Variants in PLEKHA7 observed in about 807,000 individuals in gnomAD.
PLEKHA7 encodes the protein pleckstrin homology domain-containing family A member 7.
In PLEKHA7, 104 loss-of-function variants were observed where a neutral mutation model predicts 170.0. The ratio of observed to expected loss-of-function variants is 0.61; its 90% CI spans 0.52 to 0.72. PLEKHA7 has a LOEUF of 0.72. Among genes scored for constraint, PLEKHA7 ranks in the 30% least tolerant of loss-of-function variants. PLEKHA7 has a pLI of 0.00. For missense variants in PLEKHA7, 1,615 were observed against 1,671.7 expected (o/e 0.97, Z 0.59); for synonymous variants, 648 against 660.8 (o/e 0.98, Z 0.30).
At position 16,789,821 on chromosome 11, in the gene PLEKHA7, G is replaced by A; in HGVS notation, c.3110C>T (p.Thr1037Ile). Residue 1037 changes from threonine (T) to isoleucine (I), a missense_variant, in exon 22 of 27, where the codon ACA becomes ATA. Coordinates refer to ENST00000531066, the MANE Select transcript of PLEKHA7 (RefSeq NM_001329630.2). This position sits in a 1 kb window ranked among gnomAD's most constrained non-coding sequence, Gnocchi z 4.6. The part of the protein sequence containing the change: ...QQSSTIAPYV[T>I]LRRGLNAESS... Reference sequence around the variant, plus strand: ...TTCGGCATTGAGACCCCTCCGGAGTGTGACGTAGGGAGCAATGGTGGACGA... The same window carrying A: ...TTCGGCATTGAGACCCCTCCGGAGTATGACGTAGGGAGCAATGGTGGACGA... 1 of 1,614,162 alleles carries A rather than the reference G, an allele frequency of 6.2e-7. No homozygotes were observed. Among genetic ancestry groups the A allele is most frequent in the Non-Finnish European group, 8.5e-7 (1 of 1,180,004 alleles).
chr11:16,793,891 T>G (rs1008894193), intron 19 of PLEKHA7, among the ~76,000 whole-genome samples: 2 of 152,234 alleles, frequency 1.3e-5, no homozygotes, highest in Non-Finnish European at 2.9e-5. Flanking sequence ...GGCCAGGAGA[T>G]GTGATTGGAT....
At chr11:16,882,526 G>A (rs1855785432) in intron 3 of PLEKHA7, among the ~76,000 whole-genome samples, 1 of 152,194 alleles carries the variant, frequency 6.6e-6, no homozygotes, top group Non-Finnish European at 1.5e-5. Context: ...ATGAATGAAT[G>A]ACTCACAAGC....
intron 3 of PLEKHA7, among the ~76,000 whole-genome samples, chr11:16,918,086 T>G (rs985794166): frequency 1.5e-4 from 23 of 152,212 alleles, no homozygotes; most frequent in African/African-American, 5.6e-4. Context: ...TTCTCTGAAC[T>G]CTGAAAGTAT....
chr11:16,997,524 T>C (rs575874950), intron 3 of PLEKHA7, among the ~76,000 whole-genome samples: 2 of 152,130 alleles, frequency 1.3e-5, no homozygotes, highest in Non-Finnish European at 2.9e-5. Flanking sequence ...GGAGGGAGAA[T>C]GCAGCTAACC....
In PLEKHA7 at chr11:16,794,695, C is replaced by T. The variant is rs753796125; in HGVS notation, c.2538G>A (p.Leu846=). The T allele has an allele frequency of 1.7e-5, 27 of 1,613,464 alleles. No homozygotes were observed. The highest frequency in any genetic ancestry group is 1.9e-5 in the Non-Finnish European group (23 of 1,179,622). Residue 846 remains leucine, a synonymous_variant, in exon 19 of 27, where the codon TTG becomes TTA. Coordinates refer to ENST00000531066, the MANE Select transcript of PLEKHA7 (RefSeq NM_001329630.2). ...VKNPERKTVP[L]FPHPPVPSLS... ...GTGAAGGCACAGGCGGGTGAGGAAACAAAGGCACCGTTTTTCTCTCTAAGG... is the reference window on the plus strand; with the variant it reads ...GTGAAGGCACAGGCGGGTGAGGAAATAAAGGCACCGTTTTTCTCTCTAAGG...
intron 3 of PLEKHA7, among the ~76,000 whole-genome samples, chr11:16,907,374 C>A (rs1405918002): frequency 3.6e-5 from 5 of 137,462 alleles, no homozygotes; most frequent in African/African-American, 1.1e-4. Flanking sequence ...CCGCCCCATC[C>A]GGGAGGGAGG....
intron 3 of PLEKHA7, among the ~76,000 whole-genome samples, chr11:16,954,543 A>C (rs973961137): frequency 6.6e-5 from 10 of 152,048 alleles, no homozygotes; most frequent in African/African-American, 2.4e-4. Context: ...TTAAAAAAAA[A>C]AAAACAAAAA....
At chr11:16,847,774 G>A (rs575691977) in intron 8 of PLEKHA7, among the ~76,000 whole-genome samples, 4 of 151,748 alleles carry the variant, frequency 2.6e-5, no homozygotes, top group South Asian at 4.2e-4. Flanking sequence ...CCCAGGAGGC[G>A]GAGGTTGCAG....
chr11:16,855,803 C>G lies in PLEKHA7; in HGVS notation c.417G>C (p.Lys139Asn). 1 of 1,602,862 alleles carries G rather than the reference C, an allele frequency of 6.2e-7. No homozygotes were observed. The highest frequency in any genetic ancestry group is 1.7e-5 in the Admixed American group (1 of 59,188). The part of the protein sequence containing the change: ...ASTLEAKPGP[K>N]IIKSSSKVHS... ...AAGGAACAAGTGGCCAGGAGCTCAC[C>G]TTGGGTCCAGGCTTGGCCTCCAGGG... The change falls in exon 5 of 27, where the codon AAG (lysine) becomes AAC (asparagine). Residue 139 changes from lysine (K) to asparagine (N), a missense_variant and splice_region_variant. Lys to Asn is a moderately conservative substitution (Grantham distance 94). Transcript: ENST00000531066.
At chr11:16,905,388 A>G (rs918871208) in intron 3 of PLEKHA7, among the ~76,000 whole-genome samples, 13 of 152,152 alleles carry the variant, frequency 8.5e-5, no homozygotes, top group Admixed American at 8.5e-4. Flanking sequence ...TTTTTTATGT[A>G]ATGCAGTTAT....
intron 3 of PLEKHA7, among the ~76,000 whole-genome samples, chr11:16,993,823 T>C (rs1301686087): frequency 6.6e-6 from 1 of 151,838 alleles, no homozygotes; most frequent in East Asian, 1.9e-4. Context: ...CAAAGGAAAA[T>C]AAGGCAATAG....
chr11:16,914,885 G>C (rs973384474), intron 3 of PLEKHA7, among the ~76,000 whole-genome samples: 1 of 152,150 alleles, frequency 6.6e-6, no homozygotes, highest in African/African-American at 2.4e-5. Context: ...TTGACCCCAA[G>C]ACAAGAAAGG....
intron 17 of PLEKHA7, among the ~76,000 whole-genome samples, chr11:16,795,802 T>A (rs113186765): frequency 0.04 from 5,831 of 146,672 alleles, 131 homozygotes; most frequent in Middle Eastern, 0.1. Context: ...AAAATAATAA[T>A]AATAAAGGTG....
intron 3 of PLEKHA7, among the ~76,000 whole-genome samples, chr11:17,005,157 G>A (rs1188729513): frequency 6.6e-6 from 1 of 152,160 alleles, no homozygotes; most frequent in African/African-American, 2.4e-5. Context: ...CCCTGCACAC[G>A]TTTCTGTTTA....
intron 3 of PLEKHA7, among the ~76,000 whole-genome samples, chr11:16,951,200 G>A (rs1320728440): frequency 1.3e-5 from 2 of 152,128 alleles, no homozygotes; most frequent in Non-Finnish European, 2.9e-5. Context: ...TTACACAGCT[G>A]GAAAGTGGAA....
chr11:16,777,986 C>A lies in PLEKHA7; in HGVS notation c.*1012G>T. On this transcript the variant is annotated 3_prime_UTR_variant, in exon 27 of 27. Transcript: ENST00000531066. ...CAATGTGTACTGTTAAAAATGAAAGCAGGCTGGGCGTGGTGGCTCACGGCT... is the reference window on the plus strand; with the variant it reads ...CAATGTGTACTGTTAAAAATGAAAGAAGGCTGGGCGTGGTGGCTCACGGCT... The A allele has an allele frequency of 6.6e-6, 1 of 152,316 alleles. No homozygotes were observed. The allele number at this position is 152,316 out of a possible 1,614,324, so 9.4% of individuals were successfully genotyped here.
intron 9 of PLEKHA7, among the ~76,000 whole-genome samples, chr11:16,834,080 G>T (rs905553572): frequency 6.6e-6 from 1 of 152,052 alleles, no homozygotes; most frequent in Non-Finnish European, 1.5e-5. Context: ...GCGCGGTTTC[G>T]ACTCACTACA....
intron 3 of PLEKHA7, among the ~76,000 whole-genome samples, chr11:16,995,921 CTCCCTTAGAAA>C (rs1194398677): frequency 6.6e-6 from 1 of 152,130 alleles, no homozygotes; most frequent in East Asian, 1.9e-4. Flanking sequence ...GTTCATTGCC[CTCCCTTAGAAA>C]ATGCCCAAAA....
chr11:16,857,388 C>T (rs1386559476), intron 4 of PLEKHA7, among the ~76,000 whole-genome samples: 1 of 152,264 alleles, frequency 6.6e-6, no homozygotes, highest in Non-Finnish European at 1.5e-5. Flanking sequence ...ACACCCCCAG[C>T]CTCCAACCCA....
Sources: gnomAD v4.1 joint callset for allele counts (sites outside exome capture counted in the v4.1 genomes callset) on GRCh38, gnomAD v4.1.1 for gene constraint, Gnocchi (gnomAD v3.1) non-coding constraint, MANE v1.5 for transcripts, NCBI Gene and HGNC (gene_info 2026-07-23, HGNC 2026-07-21) for gene names.